WDR27: variants seen among roughly 807,000 people sequenced by gnomAD.
The protein encoded by WDR27 is WD repeat domain 27.
In WDR27, 100 loss-of-function variants were observed where a neutral mutation model predicts 114.4. The observed-to-expected ratio is 0.87, with a 90% CI of 0.74 to 1.03. WDR27 has a LOEUF of 1.03. Among genes scored for constraint, WDR27 ranks in the 50% least tolerant of loss-of-function variants. WDR27 has a pLI of 0.00. For synonymous variants in WDR27, 449 were observed against 423.1 expected (o/e 1.06, Z -0.75); for missense variants, 1,129 against 1,092.9 (o/e 1.03, Z -0.47).
intron 21 of WDR27, among the ~76,000 whole-genome samples, chr6:169,619,968 T>C (rs1442717070): frequency 1.3e-5 from 2 of 152,188 alleles, no homozygotes; most frequent in African/African-American, 4.8e-5. Context: ...AGACACATGT[T>C]TTGGAGTGAA....
At chr6:169,631,991 C>G (rs1302329758) in intron 21 of WDR27, among the ~76,000 whole-genome samples, 2 of 151,994 alleles carry the variant, frequency 1.3e-5, no homozygotes, top group African/African-American at 4.8e-5. Flanking sequence ...TCGAGACCAG[C>G]CTGACCAACA....
At chr6:169,554,809 C>T (rs916182414) in intron 25 of WDR27, among the ~76,000 whole-genome samples, 1 of 152,182 alleles carries the variant, frequency 6.6e-6, no homozygotes, top group Admixed American at 6.5e-5. Context: ...ATAAAACTCG[C>T]TTGGCTTCTG....
At chr6:169,676,668 G>T (rs555946601) in intron 2 of WDR27, among the ~76,000 whole-genome samples, 1 of 152,152 alleles carries the variant, frequency 6.6e-6, no homozygotes, top group South Asian at 2.1e-4. Flanking sequence ...TCCACGATCC[G>T]TTATCTTAAC....
intron 2 of WDR27, among the ~76,000 whole-genome samples, chr6:169,679,263 G>T (rs766424929): frequency 3.3e-5 from 5 of 152,176 alleles, no homozygotes; most frequent in Non-Finnish European, 7.4e-5. Context: ...CCTCCTGAGG[G>T]CTATGTCACA....
intron 18 of WDR27, 80 bp downstream of exon 18, chr6:169,638,458 TA>T: frequency 6.5e-7 from 1 of 1,537,148 alleles, no homozygotes; most frequent in East Asian, 2.4e-5. Flanking sequence ...CATCTCCTGT[TA>T]AGGTAAAAGA....
chr6:169,458,749 T>C (rs1784576520), intron 25 of WDR27, among the ~76,000 whole-genome samples: 1 of 149,568 alleles, frequency 6.7e-6, no homozygotes, highest in South Asian at 2.1e-4. Flanking sequence ...ATCATGCCAC[T>C]GCCCTCCAGC....
chr6:169,516,284 C>T (rs143814760), intron 25 of WDR27, among the ~76,000 whole-genome samples: 7 of 152,256 alleles, frequency 4.6e-5, no homozygotes, highest in South Asian at 2.1e-4. Context: ...TTTTCAACTC[C>T]CTAGCTCAAC....
intron 2 of WDR27, among the ~76,000 whole-genome samples, chr6:169,682,016 G>T (rs1383546666): frequency 2.0e-5 from 3 of 152,104 alleles, no homozygotes; most frequent in African/African-American, 4.8e-5. Context: ...TCTCATCTCT[G>T]CAGGGACTTC....
intron 17 of WDR27, among the ~76,000 whole-genome samples, chr6:169,639,125 G>A (rs1016060109): frequency 4.2e-5 from 6 of 144,048 alleles, no homozygotes; most frequent in South Asian, 2.3e-4. Flanking sequence ...TGTGGTGCTC[G>A]GTACTGTGTG....
chr6:169,644,180 G>C (rs1819907010), intron 16 of WDR27, among the ~76,000 whole-genome samples: 1 of 144,510 alleles, frequency 6.9e-6, no homozygotes. Flanking sequence ...GTTCACAGGA[G>C]TCACACTGTA....
intron 24 of WDR27, among the ~76,000 whole-genome samples, chr6:169,575,088 A>C (rs1802031853): frequency 6.6e-6 from 1 of 152,036 alleles, no homozygotes; most frequent in African/African-American, 2.4e-5. Context: ...CTTTGGACTC[A>C]GGCGGGAACA....
chr6:169,483,363 C>A (rs1388817452), intron 25 of WDR27, among the ~76,000 whole-genome samples: 1 of 152,164 alleles, frequency 6.6e-6, no homozygotes, highest in Non-Finnish European at 1.5e-5. Context: ...CACAGACATA[C>A]AACCATCAGA....
At chr6:169,628,208 G>T (rs965051489) in intron 21 of WDR27, among the ~76,000 whole-genome samples, 1 of 152,018 alleles carries the variant, frequency 6.6e-6, no homozygotes, top group Non-Finnish European at 1.5e-5. Flanking sequence ...CAGCAGGAAG[G>T]CCCCGCCACT....
chr6:169,691,703 A>G (rs1784547587), intron 1 of WDR27, among the ~76,000 whole-genome samples: 1 of 152,378 alleles, frequency 6.6e-6, no homozygotes, highest in Non-Finnish European at 1.5e-5. Flanking sequence ...TATAGAATTC[A>G]GCAGCATTTT....
intron 17 of WDR27, among the ~76,000 whole-genome samples, chr6:169,641,862 C>T (rs978943545): frequency 6.6e-6 from 1 of 152,274 alleles, no homozygotes; most frequent in South Asian, 2.1e-4. Flanking sequence ...CGCAGCTCTC[C>T]CGCGCAGCGC....
At chr6:169,577,231 AG>A (rs1364464242) in intron 24 of WDR27, among the ~76,000 whole-genome samples, 14 of 152,188 alleles carry the variant, frequency 9.2e-5, no homozygotes, top group Admixed American at 6.5e-5. Context: ...CGAGGGCACC[AG>A]GGGCAACCTG....
At chr6:169,520,853 T>C (rs1249850604) in intron 25 of WDR27, among the ~76,000 whole-genome samples, 1 of 151,662 alleles carries the variant, frequency 6.6e-6, no homozygotes, top group Non-Finnish European at 1.5e-5. Context: ...AGGAAAAAAA[T>C]GAAAAGCAAT....
chr6:169,427,625 TCTG>T, the WDR27 span, among the ~76,000 whole-genome samples: 1 of 152,084 alleles, frequency 6.6e-6, no homozygotes, highest in Non-Finnish European at 1.5e-5. Context: ...AGCAGGAGTT[TCTG>T]CTGCTTCTTC....
At chr6:169,528,755 G>A (rs776268134) in intron 25 of WDR27, among the ~76,000 whole-genome samples, 6 of 152,156 alleles carry the variant, frequency 3.9e-5, no homozygotes, top group Non-Finnish European at 7.3e-5. Flanking sequence ...TCGAACTCCC[G>A]GCCTCAAGTG....
Sources: gnomAD v4.1 joint callset for allele counts (sites outside exome capture counted in the v4.1 genomes callset) on GRCh38, gnomAD v4.1.1 for gene constraint, MANE v1.5 for transcripts, NCBI Gene and HGNC (gene_info 2026-07-23, HGNC 2026-07-21) for gene names.